The following ZNF827 variants were observed in gnomAD, a reference collection of about 807,000 sequenced individuals.
ZNF827 encodes the protein zinc finger protein 827.
ZNF827 carries 13 observed loss-of-function variants against 102.4 expected under a neutral mutation model. That is an observed-to-expected ratio of 0.13 (90% CI 0.08 to 0.20). ZNF827 has a LOEUF of 0.20. ZNF827 is among the 10% of genes least tolerant of loss of function. The pLI is 1.00. For missense variants in ZNF827, 1,103 were observed against 1,344.4 expected (o/e 0.82, Z 2.81); for synonymous variants, 523 against 536.2 (o/e 0.98, Z 0.34).
chr4:145,932,711 T>C (rs928026265), intron 1 of ZNF827, among the ~76,000 whole-genome samples: 1 of 152,194 alleles, frequency 6.6e-6, no homozygotes, highest in Admixed American at 6.5e-5. Flanking sequence ...CCTGACCTCG[T>C]GATCCACCCG....
chr4:145,789,619 G>A (rs1739388076), intron 8 of ZNF827, among the ~76,000 whole-genome samples: 1 of 152,166 alleles, frequency 6.6e-6, no homozygotes, highest in Non-Finnish European at 1.5e-5. Context: ...TCACCTAGCT[G>A]GTAAGTGATA....
intron 4 of ZNF827, among the ~76,000 whole-genome samples, chr4:145,878,644 G>GGGAGAGAGA (rs1749382498): frequency 1.6e-5 from 2 of 123,810 alleles, no homozygotes; most frequent in South Asian, 5.6e-4. Flanking sequence ...GGAAAGGAAA[G>GGGAGAGAGA]GAAAGGAAAG....
chr4:145,881,668 G>A (rs1261237684), intron 4 of ZNF827, among the ~76,000 whole-genome samples: 2 of 152,082 alleles, frequency 1.3e-5, no homozygotes, highest in Non-Finnish European at 2.9e-5. Flanking sequence ...TTTTTAACTG[G>A]AGAAACTCCC....
rs34051922 is a variant in ZNF827, at chr4:145,768,916, T to TATATATATATATATATATATATATAAAA, written c.2861-3179_2861-3178insTTTTATATATATATATATATATATATAT. Among the ~76,000 whole-genome samples, 336 of 34,154 alleles carry TATATATATATATATATATATATATAAAA rather than the reference T, an allele frequency of 9.8e-3. 25 individuals are homozygous for TATATATATATATATATATATATATAAAA. Among genetic ancestry groups the TATATATATATATATATATATATATAAAA allele is most frequent in the Non-Finnish European group, 0.013 (246 of 19,018 alleles). 22.4% of individuals were successfully genotyped at this position (34,154 alleles called of 152,430 possible). On this transcript the variant is annotated intron_variant, in intron 11 of 14. Coordinates refer to ENST00000508784, the MANE Select transcript of ZNF827 (RefSeq NM_001306215.2). ...ATATATATATATATATATATATATA[T>TATATATATATATATATATATATATAAAA]TAGGTATACAAAGTTTGGAAATAGA...
chr4:145,880,278 G>T (rs946996605), intron 4 of ZNF827, among the ~76,000 whole-genome samples: 3 of 152,144 alleles, frequency 2.0e-5, no homozygotes, highest in African/African-American at 7.2e-5. Context: ...GTGCTAACCT[G>T]GGCAAGACTC....
chr4:145,816,822 C>T (rs1742635226), intron 8 of ZNF827, among the ~76,000 whole-genome samples: 1 of 152,166 alleles, frequency 6.6e-6, no homozygotes, highest in African/African-American at 2.4e-5. Context: ...ATTTGAAATG[C>T]AACAGGAGAA....
chr4:145,769,931 T>C (rs1486430188), intron 11 of ZNF827, among the ~76,000 whole-genome samples: 1 of 152,240 alleles, frequency 6.6e-6, no homozygotes, highest in Non-Finnish European at 1.5e-5. Flanking sequence ...TGTTACATTT[T>C]AGAGTACTTT....
At chr4:145,875,378 T>C (rs1749070950) in intron 4 of ZNF827, among the ~76,000 whole-genome samples, 1 of 152,144 alleles carries the variant, frequency 6.6e-6, no homozygotes, top group South Asian at 2.1e-4. Flanking sequence ...AGTTTCTCAC[T>C]GGAAATGCAT....
chr4:145,771,390 G>T (rs925391372), intron 11 of ZNF827, among the ~76,000 whole-genome samples: 1 of 152,158 alleles, frequency 6.6e-6, no homozygotes, highest in Non-Finnish European at 1.5e-5. Flanking sequence ...TTTGTTAATA[G>T]GGATTCTGTA....
At chr4:145,802,813 T>C (rs951093308) in intron 8 of ZNF827, among the ~76,000 whole-genome samples, 1 of 152,124 alleles carries the variant, frequency 6.6e-6, no homozygotes, top group African/African-American at 2.4e-5. Flanking sequence ...CAAGGTGGTA[T>C]GCATCTGTAG....
rs1403671081 is a variant in ZNF827 at position 145,888,750 on chromosome 4, A to G, written c.1267-2592T>C. On this transcript the variant is annotated intron_variant, in intron 3 of 14. Coordinates refer to ENST00000508784, the MANE Select transcript of ZNF827 (RefSeq NM_001306215.2). Reference sequence around the variant, plus strand: ...CAGTCTTCCTCACCTTTTCTGTTCAATTTTAGCTTATGAATTCATGTTGAA... The same window carrying G: ...CAGTCTTCCTCACCTTTTCTGTTCAGTTTTAGCTTATGAATTCATGTTGAA... 3.9e-5 allele frequency among the ~76,000 whole-genome samples: 6 copies of G among 152,134 alleles called. No homozygotes were observed. The East Asian group carries it at 1.2e-3, about 29-fold the overall frequency.
intron 7 of ZNF827, among the ~76,000 whole-genome samples, chr4:145,838,984 T>A (rs1488384640): frequency 2.0e-5 from 3 of 152,222 alleles, no homozygotes; most frequent in African/African-American, 7.2e-5. Context: ...ATCTCAATTA[T>A]GACCCTCAGT....
chr4:145,779,588 C>A, intron 8 of ZNF827, 77 bp from the exon 9 acceptor site: 1 of 1,547,924 alleles, frequency 6.5e-7, no homozygotes, highest in South Asian at 1.3e-5. Flanking sequence ...TTCAGGATTT[C>A]AGCAGAGCCT....
At chr4:145,837,555 T>C (rs1341537825) in intron 7 of ZNF827, among the ~76,000 whole-genome samples, 1 of 152,204 alleles carries the variant, frequency 6.6e-6, no homozygotes, top group Non-Finnish European at 1.5e-5. Flanking sequence ...ATACATGCCC[T>C]GCTCTTGTTT....
chr4:145,907,462 C>T (rs1293660292), intron 1 of ZNF827, among the ~76,000 whole-genome samples: 2 of 152,200 alleles, frequency 1.3e-5, no homozygotes, highest in African/African-American at 2.4e-5. Context: ...TTAGAACATG[C>T]AAGCCTTGAC....
chr4:145,832,662 C>A (rs1465662011), intron 7 of ZNF827: 1 of 152,248 alleles, frequency 6.6e-6, no homozygotes, highest in East Asian at 1.9e-4. Context: ...GTGACTTGCA[C>A]GTATATGCCT....
chr4:145,812,688 CA>C (rs1364318270), intron 8 of ZNF827, among the ~76,000 whole-genome samples: 1 of 152,042 alleles, frequency 6.6e-6, no homozygotes, highest in Non-Finnish European at 1.5e-5. Flanking sequence ...CCAACACGCC[CA>C]GCTAACTTTT....
At chr4:145,848,060 G>A (rs548464424) in intron 6 of ZNF827, among the ~76,000 whole-genome samples, 34 of 152,216 alleles carry the variant, frequency 2.2e-4, no homozygotes, top group Non-Finnish European at 4.0e-4. Flanking sequence ...AGGAGACTGC[G>A]ACAGCATACG....
At chr4:145,883,448 C>A (rs1210139999) in intron 4 of ZNF827, among the ~76,000 whole-genome samples, 1 of 152,206 alleles carries the variant, frequency 6.6e-6, no homozygotes, top group Non-Finnish European at 1.5e-5. Context: ...ATGCGCAATT[C>A]TTCCCCCCAA....
Sources: allele counts gnomAD v4.1 joint callset (sites outside exome capture counted in the v4.1 genomes callset), GRCh38; gene constraint gnomAD v4.1.1; transcripts MANE v1.5; gene names NCBI Gene and HGNC (gene_info 2026-07-23, HGNC 2026-07-21).